Variants in SBF2 observed in about 807,000 individuals in gnomAD.
The protein encoded by SBF2 is SET binding factor 2.
In SBF2, 112 loss-of-function variants were observed where a neutral mutation model predicts 225.2. That is an observed-to-expected ratio of 0.50 (90% CI 0.43 to 0.58). The LOEUF (loss-of-function observed/expected upper bound fraction) is 0.58, where lower values mean the gene tolerates loss of function less well. SBF2 is among the 20% of genes least tolerant of loss of function. The probability of loss-of-function intolerance (pLI) is 0.00; values close to 1 mark genes in which losing one functional copy is unlikely to be tolerated. For synonymous variants in SBF2, 763 were observed against 773.3 expected, an observed-to-expected ratio of 0.99 and a Z score of 0.22; for missense variants, 1,996 against 2,206.2, an observed-to-expected ratio of 0.90 and a Z score of 1.91.
intron 2 of SBF2, among the ~76,000 whole-genome samples, chr11:10,172,633 G>A (rs1190948242): frequency 6.6e-6 from 1 of 151,992 alleles, no homozygotes; most frequent in African/African-American, 2.4e-5. Context: ...GATTACAGGT[G>A]TGAGCCACCA....
At chr11:10,183,930 G>A (rs753779176) in intron 2 of SBF2, among the ~76,000 whole-genome samples, 2 of 152,166 alleles carry the variant, frequency 1.3e-5, no homozygotes, top group Admixed American at 6.5e-5. Flanking sequence ...CTGTAGCACC[G>A]TTAAGGTGAA....
chr11:10,061,196 C>T (rs1391094765), intron 2 of SBF2, among the ~76,000 whole-genome samples: 2 of 152,034 alleles, frequency 1.3e-5, no homozygotes, highest in Non-Finnish European at 2.9e-5. Flanking sequence ...ATTGAAGGAA[C>T]ATACCTCAAA....
At chr11:10,272,285 C>A (rs551339564) in intron 1 of SBF2, 1 of 932,276 alleles carries the variant, frequency 1.1e-6, no homozygotes, top group Non-Finnish European at 1.5e-6. Flanking sequence ...CTCCTAGGGG[C>A]TGCAGCAATC....
chr11:9,810,349 T>C (rs1478205618), intron 30 of SBF2: 1 of 152,172 alleles, frequency 6.6e-6, no homozygotes, highest in Non-Finnish European at 1.5e-5. Flanking sequence ...TTTCAATATA[T>C]TTGTGCTAAG....
chr11:10,242,013 C>G (rs1010482291), intron 1 of SBF2, among the ~76,000 whole-genome samples: 2 of 151,080 alleles, frequency 1.3e-5, no homozygotes, highest in Admixed American at 6.6e-5. Context: ...CCCACAGACC[C>G]TAGGACCTAA....
chr11:10,272,570 A>C (rs562964250), intron 1 of SBF2, among the ~76,000 whole-genome samples: 136 of 152,320 alleles, frequency 8.9e-4, no homozygotes, highest in African/African-American at 3.1e-3. Flanking sequence ...TCACCAGTTC[A>C]AGACCAGCCA....
rs555072515 is a variant in SBF2 at position 9,836,342 on chromosome 11, C to T, written c.3455+3156G>A. Among the ~76,000 whole-genome samples, 34 of 152,134 alleles carry T rather than the reference C, an allele frequency of 2.2e-4. No individual in the cohort carries two copies. The East Asian group carries it at 4.4e-3, about 20-fold the overall frequency. On this transcript the variant is annotated intron_variant, in intron 26 of 39. Transcript: ENST00000256190. ...TGGGAATAGGTCAAGATTAATTTTT[C>T]CCAGCATCCTTTATTGAAAAAACAT...
At chr11:9,938,075 C>A (rs12288038) in intron 16 of SBF2, among the ~76,000 whole-genome samples, 63,965 of 151,506 alleles carry the variant, frequency 0.42, 14,325 homozygotes, top group East Asian at 0.79. Context: ...GCGGATCACG[C>A]GGTCAGGAGA....
At chr11:10,173,545 G>C (rs998642570) in intron 2 of SBF2, among the ~76,000 whole-genome samples, 82 of 152,252 alleles carry the variant, frequency 5.4e-4, no homozygotes, top group African/African-American at 1.2e-3. Flanking sequence ...TAGCACAGCA[G>C]TCTGAGATCA....
At chr11:9,962,236 CTAGGGAATAGGTGATTTAT>C (rs1320463492) in intron 15 of SBF2, 130 bp from the exon 16 acceptor site, 2 of 734,502 alleles carry the variant, frequency 2.7e-6, no homozygotes, top group Non-Finnish European at 4.6e-6. Context: ...AATTAAACTC[CTAGGGAATAGGTGATTTAT>C]TATTAAGACA....
chr11:9,942,023 A>G (rs187220595), intron 16 of SBF2, among the ~76,000 whole-genome samples: 9 of 152,360 alleles, frequency 5.9e-5, no homozygotes, highest in African/African-American at 2.2e-4. Flanking sequence ...AAAACAGGGC[A>G]CCTAACAATA....
intron 30 of SBF2, among the ~76,000 whole-genome samples, chr11:9,811,702 G>A (rs1854194269): frequency 6.6e-6 from 1 of 151,816 alleles, no homozygotes; most frequent in Non-Finnish European, 1.5e-5. Flanking sequence ...ACAGCCCTGA[G>A]TACTGACATC....
rs1384500159 is a variant in SBF2 at position 9,812,529 on chromosome 11, T to C, written c.4155+3A>G. 1 of 1,614,150 alleles carries C rather than the reference T, an allele frequency of 6.2e-7. No individual in the cohort carries two copies. The highest frequency in any genetic ancestry group is 1.1e-5 in the South Asian group (1 of 91,086). ...TAAAGAAAGAAGCTGCTTCAGACAT[T>C]ACCTGTGGGAACCACTCAGAATCTC... On this transcript the variant is annotated splice_donor_region_variant and intron_variant, in intron 30 of 39. Transcript: ENST00000256190.
intron 1 of SBF2, chr11:10,271,911 G>C: frequency 2.4e-6 from 1 of 418,884 alleles, no homozygotes; most frequent in Non-Finnish European, 4.3e-6. Context: ...ATGAATATCT[G>C]TGATTTTGGC....
At chr11:9,833,257 ATGC>A (rs1238742053) in intron 26 of SBF2, among the ~76,000 whole-genome samples, 5 of 152,348 alleles carry the variant, frequency 3.3e-5, no homozygotes, top group Admixed American at 1.3e-4. Flanking sequence ...ACAGGATATG[ATGC>A]TGGGAAAATA....
intron 1 of SBF2, among the ~76,000 whole-genome samples, chr11:10,246,747 G>A (rs932616171): frequency 6.6e-6 from 1 of 152,160 alleles, no homozygotes; most frequent in African/African-American, 2.4e-5. Context: ...AATCCAGATG[G>A]CTTCACCACT....
At chr11:9,958,949 G>C in intron 16 of SBF2, 1 of 703,398 alleles carries the variant, frequency 1.4e-6, no homozygotes. Context: ...AGTTTCATGG[G>C]AATGTGGATG....
intron 2 of SBF2, among the ~76,000 whole-genome samples, chr11:10,158,282 G>C (rs912481011): frequency 6.6e-6 from 1 of 151,738 alleles, no homozygotes; most frequent in Non-Finnish European, 1.5e-5. Flanking sequence ...TCAAGAACTA[G>C]AAAAAGAAGA....
chr11:10,219,606 G>A (rs913134357), intron 1 of SBF2, among the ~76,000 whole-genome samples: 8 of 152,142 alleles, frequency 5.3e-5, no homozygotes, highest in African/African-American at 1.9e-4. Context: ...TGCATTGTCA[G>A]GCTGCAAAAT....
Sources: allele counts gnomAD v4.1 joint callset (sites outside exome capture counted in the v4.1 genomes callset), GRCh38; gene constraint gnomAD v4.1.1; transcripts MANE v1.5; gene names NCBI Gene and HGNC (gene_info 2026-07-23, HGNC 2026-07-21).